Variants in DNAJC15 observed in about 807,000 individuals in gnomAD.
The protein encoded by DNAJC15 is DnaJ heat shock protein family (Hsp40) member C15.
Under a neutral mutation model 22.4 loss-of-function variants are expected in DNAJC15, and 27 were observed. The ratio of observed to expected loss-of-function variants is 1.20; its 90% CI spans 0.89 to 1.66. The LOEUF (loss-of-function observed/expected upper bound fraction) is 1.66. Ranked by LOEUF, DNAJC15 falls within the 40% of genes most tolerant of loss-of-function variation. DNAJC15 has a pLI of 0.00. For synonymous variants in DNAJC15, 79 were observed against 63.2 expected (o/e 1.25, Z -1.19); for missense variants, 208 against 187.1 (o/e 1.11, Z -0.65).
intron 3 of DNAJC15, 51 bp downstream of exon 3, chr13:43,069,054 A>AT (rs763438611): frequency 6.5e-7 from 1 of 1,541,024 alleles, no homozygotes; most frequent in South Asian, 1.2e-5. Context: ...TTTTGTTCAT[A>AT]TGACATATTT....
At chr13:43,044,682 A>G (rs2040468175) in intron 1 of DNAJC15, among the ~76,000 whole-genome samples, 1 of 152,112 alleles carries the variant, frequency 6.6e-6, no homozygotes, top group Non-Finnish European at 1.5e-5. Flanking sequence ...AAGCATGACC[A>G]TATGTTAGAT....
At chr13:43,032,385 C>G (rs997209213) in intron 1 of DNAJC15, among the ~76,000 whole-genome samples, 1 of 152,218 alleles carries the variant, frequency 6.6e-6, no homozygotes, top group Non-Finnish European at 1.5e-5. Context: ...AAAGCACAGT[C>G]TCCTAAAAGC....
intron 3 of DNAJC15, among the ~76,000 whole-genome samples, chr13:43,075,134 G>A (rs752379907): frequency 6.6e-6 from 1 of 152,160 alleles, no homozygotes; most frequent in Non-Finnish European, 1.5e-5. Flanking sequence ...AGCCCCACAT[G>A]TTAAGTCTCT....
chr13:43,088,052 G>A (rs976194457), intron 5 of DNAJC15, among the ~76,000 whole-genome samples: 9 of 152,116 alleles, frequency 5.9e-5, no homozygotes, highest in African/African-American at 1.2e-4. Context: ...TTACAGTAAT[G>A]CATAGTGAAT....
rs762288476 is a variant in DNAJC15, at chr13:43,033,545, GT to G, written c.108+9815del. ...CCAACCAGGTACCACATTACATTTA[GT>G]TTTCGTGTCTGTTTTGGCTGCTTGT... On this transcript the variant is annotated intron_variant, in intron 1 of 5. Transcript: ENST00000379221. 4.6e-5 allele frequency among the ~76,000 whole-genome samples: 7 copies of G among 152,214 alleles called. No homozygotes were observed. In the East Asian group the frequency reaches 7.7e-4, roughly 17 times the overall value.
chr13:43,103,566 T>C (rs1033606167), intron 5 of DNAJC15, among the ~76,000 whole-genome samples: 1 of 152,252 alleles, frequency 6.6e-6, no homozygotes, highest in African/African-American at 2.4e-5. Flanking sequence ...GCCTAGCACA[T>C]GATCAGTTAC....
chr13:43,040,905 G>A (rs867439041), intron 1 of DNAJC15, among the ~76,000 whole-genome samples: 16 of 152,280 alleles, frequency 1.1e-4, no homozygotes, highest in African/African-American at 3.8e-4. Flanking sequence ...ATTGCTGCCC[G>A]CCTGTCCCAC....
Position 43,109,750 on chromosome 13 carries a change from T to A in DNAJC15, c.*2502T>A, listed in dbSNP as rs542090663. On this transcript the variant is annotated 3_prime_UTR_variant, in exon 6 of 6. Coordinates refer to ENST00000379221, the MANE Select transcript of DNAJC15 (RefSeq NM_013238.3). ...GGGGGAGGGATCGCATTTGGAGATA[T>A]ACTAATGTAAATGACAAGTTAATTG... is the stretch of plus-strand genomic sequence containing the variant. The A allele has an allele frequency of 6.6e-6, 1 of 152,160 alleles. No homozygotes were observed. The highest frequency in any genetic ancestry group is 2.4e-5 in the African/African-American group (1 of 41,440). 9.4% of individuals were successfully genotyped at this position (152,160 alleles called of 1,614,324 possible). A position where few individuals can be genotyped will look rare whatever the true frequency, so the allele number is the denominator to read the frequency against.
rs111514306 is a variant in DNAJC15 at position 43,065,255 on chromosome 13, C to G, written c.109-431C>G. On this transcript the variant is annotated intron_variant, in intron 1 of 5. Coordinates refer to ENST00000379221, the MANE Select transcript of DNAJC15 (RefSeq NM_013238.3). ...ATAAGTTTGGAAGCTTGACTTCTTT[C>G]CTAAACATTGATGTAAGGTTTCATG... Among the ~76,000 whole-genome samples, 306 of 152,186 alleles carry G rather than the reference C, an allele frequency of 2.0e-3. 3 individuals are homozygous for G. Among genetic ancestry groups the G allele is most frequent in the Non-Finnish European group, 2.6e-3 (177 of 67,988 alleles).
At chr13:43,049,063 A>G (rs2040491255) in intron 1 of DNAJC15, among the ~76,000 whole-genome samples, 1 of 152,148 alleles carries the variant, frequency 6.6e-6, no homozygotes, top group African/African-American at 2.4e-5. Flanking sequence ...ATACTAGGGT[A>G]CAGGAATATA....
At chr13:43,066,119 G>T (rs554781663) in intron 2 of DNAJC15, among the ~76,000 whole-genome samples, 16 of 152,096 alleles carry the variant, frequency 1.1e-4, no homozygotes, top group African/African-American at 1.4e-4. Context: ...TAAGCTGTCA[G>T]TTCTTTCTCA....
chr13:43,073,520 G>A (rs2040618460), intron 3 of DNAJC15, among the ~76,000 whole-genome samples: 1 of 152,190 alleles, frequency 6.6e-6, no homozygotes, highest in African/African-American at 2.4e-5. Flanking sequence ...TGCTCTATAT[G>A]AGTAGAGTAG....
chr13:43,062,029 C>G (rs1310458314), intron 1 of DNAJC15, among the ~76,000 whole-genome samples: 1 of 152,094 alleles, frequency 6.6e-6, no homozygotes, highest in African/African-American at 2.4e-5. Flanking sequence ...ATGATTTTAT[C>G]AGTGAGGATC....
At chr13:43,074,739 T>A (rs561422668) in intron 3 of DNAJC15, among the ~76,000 whole-genome samples, 87 of 152,326 alleles carry the variant, frequency 5.7e-4, no homozygotes, top group African/African-American at 2.0e-3. Context: ...TATTTAAAGT[T>A]ATATAAGACC....
intron 3 of DNAJC15, among the ~76,000 whole-genome samples, chr13:43,073,776 T>C (rs1049503124): frequency 6.6e-6 from 1 of 152,132 alleles, no homozygotes; most frequent in Non-Finnish European, 1.5e-5. Context: ...ACAGTGTCTT[T>C]ACTCATTTCA....
intron 4 of DNAJC15, among the ~76,000 whole-genome samples, chr13:43,082,876 G>T (rs80043494): frequency 4.5e-5 from 6 of 134,806 alleles, no homozygotes; most frequent in African/African-American, 1.5e-4. Flanking sequence ...ATATATGTGC[G>T]TATGCGTATA....
At chr13:43,055,492 G>A (rs2040526173) in intron 1 of DNAJC15, among the ~76,000 whole-genome samples, 1 of 152,188 alleles carries the variant, frequency 6.6e-6, no homozygotes, top group Non-Finnish European at 1.5e-5. Flanking sequence ...GTCTGTGTGT[G>A]TAGTGTGTGT....
At chr13:43,063,354 A>G (rs2153440755) in intron 1 of DNAJC15, among the ~76,000 whole-genome samples, 1 of 152,260 alleles carries the variant, frequency 6.6e-6, no homozygotes, top group Non-Finnish European at 1.5e-5. Flanking sequence ...TGATTGTTTG[A>G]CATGTCCCAG....
At chr13:43,104,402 C>G (rs1566218892) in intron 5 of DNAJC15, among the ~76,000 whole-genome samples, 2 of 152,196 alleles carry the variant, frequency 1.3e-5, no homozygotes, top group Non-Finnish European at 2.9e-5. Context: ...TCTTGGCCCT[C>G]AAGACCTGAC....
Sources: gnomAD v4.1 joint callset for allele counts (sites outside exome capture counted in the v4.1 genomes callset) on GRCh38, gnomAD v4.1.1 for gene constraint, MANE v1.5 for transcripts, NCBI Gene and HGNC (gene_info 2026-07-23, HGNC 2026-07-21) for gene names.